The following HERC2 variants were observed in gnomAD, a reference collection of about 807,000 sequenced individuals.
HERC2 encodes the protein HECT and RLD domain containing E3 ubiquitin protein ligase 2.
HERC2 carries 102 observed loss-of-function variants against 537.7 expected under a neutral mutation model. The observed-to-expected ratio is 0.19, with a 90% CI of 0.16 to 0.22. The LOEUF (loss-of-function observed/expected upper bound fraction) is 0.22. Among genes scored for constraint, HERC2 ranks in the 10% least tolerant of loss-of-function variants. HERC2 has a pLI of 1.00. For missense variants in HERC2, 4,236 were observed against 6,198.2 expected, an observed-to-expected ratio of 0.68 and a Z score of 10.63; for synonymous variants, 2,224 against 2,466.2, an observed-to-expected ratio of 0.90 and a Z score of 2.91.
At chr15:28,174,752 C>G in intron 64 of HERC2, 132 bp from the exon 65 acceptor site, 1 of 734,708 alleles carries the variant, frequency 1.4e-6, no homozygotes, top group Non-Finnish European at 2.2e-6. Flanking sequence ...AAGGTAAAAA[C>G]AAACCATTTC....
At chr15:28,266,005 C>T in intron 12 of HERC2, 31 bp from the exon 13 acceptor site, 1 of 1,608,104 alleles carries the variant, frequency 6.2e-7, no homozygotes, top group Non-Finnish European at 8.5e-7. Context: ...ACATGAATGC[C>T]CTTCTTCTTG....
At chr15:28,228,052 G>GTAT (rs1901408077) in intron 35 of HERC2, among the ~76,000 whole-genome samples, 166 bp downstream of exon 35, 1 of 150,244 alleles carries the variant, frequency 6.7e-6, no homozygotes, top group South Asian at 2.1e-4. Flanking sequence ...AATCGTAAAT[G>GTAT]TATTTGATAC....
chr15:28,149,350 T>A (rs1214833265), intron 70 of HERC2, among the ~76,000 whole-genome samples: 2 of 145,002 alleles, frequency 1.4e-5, no homozygotes, highest in Admixed American at 6.9e-5. Flanking sequence ...CTAGTAAAAT[T>A]ACCAAAAAAA....
At chr15:28,142,103 C>T (rs1163176632) in intron 76 of HERC2, 135 bp downstream of exon 76, 1 of 928,270 alleles carries the variant, frequency 1.1e-6, no homozygotes, top group Non-Finnish European at 1.6e-6. Flanking sequence ...CACTCATTTT[C>T]ACCTATGTGT....
At chr15:28,228,551 G>C in intron 34 of HERC2, 142 bp from the exon 35 acceptor site, 1 of 808,770 alleles carries the variant, frequency 1.2e-6, no homozygotes, top group South Asian at 1.7e-5. Flanking sequence ...AAGAATAAAC[G>C]TAACGCAGAA....
Position 28,205,126 on chromosome 15 carries a change from A to C in HERC2, c.7212+1114T>G, listed in dbSNP as rs112730805. Among the ~76,000 whole-genome samples the C allele has an allele frequency of 1.1e-3, 160 of 152,098 alleles. 2 individuals carry two copies. Among genetic ancestry groups the C allele is most frequent in the African/African-American group, 3.5e-3 (145 of 41,384 alleles). ...AAATACGAAAAGCAACCACAGAAAA[A>C]AGACATTTCATGAAAAAGAAGAGAA... On this transcript the variant is annotated intron_variant, in intron 45 of 92. Transcript: ENST00000261609.
At chr15:28,198,907 G>C (rs1187548016) in intron 48 of HERC2, 138 bp from the exon 49 acceptor site, 1 of 783,514 alleles carries the variant, frequency 1.3e-6, no homozygotes. Flanking sequence ...TAGCACTTTG[G>C]GAGGCTGAGG....
chr15:28,219,245 C>T (rs1345500006), intron 37 of HERC2, among the ~76,000 whole-genome samples: 1 of 152,208 alleles, frequency 6.6e-6, no homozygotes, highest in Non-Finnish European at 1.5e-5. Flanking sequence ...AGTGGGGCGA[C>T]CAGACGCTCA....
In HERC2 at chr15:28,169,614, T is replaced by C. The variant is rs1894491758; in HGVS notation, c.10099A>G (p.Ile3367Val). ...DADSSAASNK[I>V]SGASNSKPNR... ...GGCTTAGAATTACTTGCACCACTTATTTTATTACTGGCAGCAGAAGAATCA... is the reference window on the plus strand; with the variant it reads ...GGCTTAGAATTACTTGCACCACTTACTTTATTACTGGCAGCAGAAGAATCA... Residue 3367 changes from isoleucine to valine, a missense_variant, in exon 66 of 93, where the codon ATA becomes GTA. Ile to Val is a conservative substitution (Grantham distance 29). Transcript: ENST00000261609. 1 of 1,613,646 alleles carries C rather than the reference T, an allele frequency of 6.2e-7. No homozygotes were observed. Among genetic ancestry groups the C allele is most frequent in the Non-Finnish European group, 8.5e-7 (1 of 1,179,934 alleles).
intron 22 of HERC2, 99 bp downstream of exon 22, chr15:28,246,643 T>C (rs1215942295): frequency 9.3e-7 from 1 of 1,080,428 alleles, no homozygotes; most frequent in Non-Finnish European, 1.3e-6. Flanking sequence ...CCAGAAAATT[T>C]AGAGAGTAAA....
At position 28,111,945 on chromosome 15, in the gene HERC2, G is replaced by A; in HGVS notation, c.14323C>T (p.Gln4775Ter). The stretch of plus-strand genomic sequence containing the variant: ...TACTTGAGCTTCTCCTCCAGCACCT[G>A]CTTGCAGGAATACCTGGGCAGCTTC... ...LLKLPRYSCK[Q>*]VLEEKLKYAI... is the part of the protein sequence containing the mutation. Residue 4775 changes from glutamine to a stop codon, truncating the protein, a stop_gained, in exon 93 of 93, where the codon CAG becomes TAG. Transcript: ENST00000261609. LOFTEE classifies it high-confidence loss of function. The A allele has an allele frequency of 6.2e-7, 1 of 1,614,132 alleles. No individual in the cohort carries two copies. Among genetic ancestry groups the A allele is most frequent in the Non-Finnish European group, 8.5e-7 (1 of 1,180,022 alleles).
intron 2 of HERC2, among the ~76,000 whole-genome samples, chr15:28,305,811 T>C (rs1361284049): frequency 6.7e-6 from 1 of 148,788 alleles, no homozygotes; most frequent in Non-Finnish European, 1.5e-5. Flanking sequence ...GAATCTACAA[T>C]GAACTCAAAC....
intron 52 of HERC2, among the ~76,000 whole-genome samples, chr15:28,194,634 T>C (rs989666469): frequency 3.3e-5 from 5 of 151,878 alleles, no homozygotes; most frequent in Non-Finnish European, 7.4e-5. Flanking sequence ...GGCCGATCCT[T>C]TGACATTTTT....
chr15:28,224,383 A>G (rs1900882437), intron 35 of HERC2, among the ~76,000 whole-genome samples: 2 of 152,076 alleles, frequency 1.3e-5, no homozygotes, highest in Admixed American at 1.3e-4. Context: ...CACTATGCCC[A>G]GCTAGTTTTC....
At chr15:28,146,510 C>A (rs1891753067) in intron 70 of HERC2, among the ~76,000 whole-genome samples, 166 bp from the exon 71 acceptor site, 1 of 152,264 alleles carries the variant, frequency 6.6e-6, no homozygotes, top group Non-Finnish European at 1.5e-5. Context: ...CCCAGCTCAT[C>A]CCCACTGAAG....
At chr15:28,162,019 T>C (rs1439141080) in intron 69 of HERC2, among the ~76,000 whole-genome samples, 1 of 152,082 alleles carries the variant, frequency 6.6e-6, no homozygotes, top group Non-Finnish European at 1.5e-5. Context: ...ATGTAAACAA[T>C]ACATGAAATC....
rs74214947 is a variant in HERC2 at position 28,147,853 on chromosome 15, C to G, written c.10901-1509G>C. Among the ~76,000 whole-genome samples the G allele has an allele frequency of 2.2e-3, 335 of 151,958 alleles. 10 individuals carry two copies. In the East Asian group the frequency reaches 0.057, roughly 26 times the overall value. ...GAGTTTGAGACAAGATTGGGCAACA[C>G]AGAGAGACTCATCTCCACAAAAAAT... On this transcript the variant is annotated intron_variant, in intron 70 of 92. Transcript: ENST00000261609.
chr15:28,242,817 T>C (rs1903263629), intron 23 of HERC2, among the ~76,000 whole-genome samples: 1 of 152,130 alleles, frequency 6.6e-6, no homozygotes, highest in South Asian at 2.1e-4. Flanking sequence ...TATGATCAAG[T>C]AATGCAGGAA....
intron 4 of HERC2, among the ~76,000 whole-genome samples, chr15:28,292,360 A>G (rs1356759951): frequency 6.6e-6 from 1 of 152,226 alleles, no homozygotes; most frequent in Admixed American, 6.5e-5. Context: ...AATGCAAATC[A>G]AAACAATGAG....
Sources: gnomAD v4.1 joint callset for allele counts (sites outside exome capture counted in the v4.1 genomes callset) on GRCh38, gnomAD v4.1.1 for gene constraint, MANE v1.5 for transcripts, NCBI Gene and HGNC (gene_info 2026-07-23, HGNC 2026-07-21) for gene names.